The following SCNN1G variants were observed in gnomAD, a reference collection of about 807,000 sequenced individuals.
SCNN1G encodes epithelial sodium channel subunit gamma.
In SCNN1G, 27 loss-of-function variants were observed where a neutral mutation model predicts 64.6. The observed-to-expected ratio is 0.42, with a 90% CI of 0.31 to 0.58. SCNN1G has a LOEUF of 0.58. SCNN1G is among the 20% of genes least tolerant of loss of function. SCNN1G has a pLI of 0.18. For missense variants in SCNN1G, 743 were observed against 823.4 expected (o/e 0.90, Z 1.19); for synonymous variants, 330 against 314.2 (o/e 1.05, Z -0.53).
intron 2 of SCNN1G, among the ~76,000 whole-genome samples, chr16:23,187,698 A>G (rs1325981512): frequency 6.6e-6 from 1 of 152,098 alleles, no homozygotes; most frequent in Non-Finnish European, 1.5e-5. Flanking sequence ...ACCCAGCCCC[A>G]TTAATTGAGC....
intron 1 of SCNN1G, among the ~76,000 whole-genome samples, chr16:23,185,105 G>A (rs1338174373): frequency 6.6e-6 from 1 of 152,212 alleles, no homozygotes; most frequent in Non-Finnish European, 1.5e-5. Flanking sequence ...CCATAGCGGT[G>A]AAGGCTGCAG....
At chr16:23,212,437 G>C (rs941539703) in intron 8 of SCNN1G, among the ~76,000 whole-genome samples, 5 of 152,200 alleles carry the variant, frequency 3.3e-5, no homozygotes, top group African/African-American at 1.2e-4. Flanking sequence ...AGGTCACACA[G>C]CCAGAAAGGA....
At chr16:23,204,334 T>TATATATATATAGAGAGAGAG (rs1567267153) in intron 6 of SCNN1G, among the ~76,000 whole-genome samples, 1 of 15,176 alleles carries the variant, frequency 6.6e-5, no homozygotes, top group African/African-American at 2.8e-4. Context: ...TATATATATA[T>TATATATATATAGAGAGAGAG]AGAGAGAGAG....
intron 7 of SCNN1G, among the ~76,000 whole-genome samples, chr16:23,211,814 A>C (rs1960083082): frequency 6.6e-6 from 1 of 152,140 alleles, no homozygotes; most frequent in Non-Finnish European, 1.5e-5. Flanking sequence ...TGTCTCAAAA[A>C]ACATAAAAAA....
chr16:23,194,479 G>A (rs1959764153), intron 5 of SCNN1G, among the ~76,000 whole-genome samples: 1 of 152,086 alleles, frequency 6.6e-6, no homozygotes, highest in South Asian at 2.1e-4. Flanking sequence ...TTTCCTTTTT[G>A]ACTTTTCTTC....
intron 11 of SCNN1G, 86 bp downstream of exon 11, chr16:23,213,249 C>CTT: frequency 3.8e-6 from 3 of 791,258 alleles, no homozygotes; most frequent in Non-Finnish European, 4.1e-6. Context: ...ATGGCCAAAT[C>CTT]CTCTTTTTTT....
intron 5 of SCNN1G, among the ~76,000 whole-genome samples, chr16:23,195,514 C>T (rs1164574682): frequency 6.6e-6 from 1 of 152,176 alleles, no homozygotes; most frequent in African/African-American, 2.4e-5. Flanking sequence ...TAAAGGAAAT[C>T]CACACTTGGA....
At chr16:23,189,878 C>G (rs1046950379) in intron 3 of SCNN1G, among the ~76,000 whole-genome samples, 31 of 152,114 alleles carry the variant, frequency 2.0e-4, no homozygotes, top group Admixed American at 1.3e-4. Context: ...TCGAGACCAG[C>G]CTGGCCAACG....
chr16:23,207,972 A>C (rs1437152723), intron 6 of SCNN1G, among the ~76,000 whole-genome samples: 2 of 152,134 alleles, frequency 1.3e-5, no homozygotes, highest in African/African-American at 4.8e-5. Flanking sequence ...CATCTCCCCA[A>C]CCAAAAAAAT....
intron 5 of SCNN1G, 112 bp downstream of exon 5, chr16:23,194,386 G>A: frequency 1.3e-6 from 1 of 778,148 alleles, no homozygotes; most frequent in Non-Finnish European, 2.3e-6. Flanking sequence ...CTCCCACTTG[G>A]CCAGAAACCA....
Position 23,189,370 on chromosome 16 carries a change from G to A in SCNN1G, c.318-1G>A, listed in dbSNP as rs1567262640. On this transcript the variant is annotated splice_acceptor_variant, in intron 2 of 12. Transcript: ENST00000300061. LOFTEE classifies it high-confidence loss of function. ...CTGACTTTTCCTCCCCACCTTGGCAGGTACAGCACCGTTCGCCACCTTCTA... is the reference window on the plus strand; with the variant it reads ...CTGACTTTTCCTCCCCACCTTGGCAAGTACAGCACCGTTCGCCACCTTCTA... The A allele has an allele frequency of 6.2e-7, 1 of 1,613,138 alleles. No individual in the cohort carries two copies. The highest frequency in any genetic ancestry group is 1.1e-5 in the South Asian group (1 of 91,054).
At chr16:23,204,384 A>G (rs897148843) in intron 6 of SCNN1G, among the ~76,000 whole-genome samples, 2 of 131,824 alleles carry the variant, frequency 1.5e-5, no homozygotes. Context: ...CTATTACTAT[A>G]TATTTTTTAA....
rs112220882 is a variant in SCNN1G, at chr16:23,193,184, A to G, written c.809+642A>G. The stretch of plus-strand genomic sequence containing the variant: ...CTATAACCTAACCTTGTATATTACC[A>G]TCATGCATACTGATGACTAAGAACC... On this transcript the variant is annotated intron_variant, in intron 4 of 12. Coordinates refer to ENST00000300061, the MANE Select transcript of SCNN1G (RefSeq NM_001039.4). 2.8e-4 allele frequency among the ~76,000 whole-genome samples: 42 copies of G among 151,846 alleles called. 1 individual carries two copies. Among genetic ancestry groups the G allele is most frequent in the African/African-American group, 9.4e-4 (39 of 41,388 alleles).
intron 5 of SCNN1G, chr16:23,195,790 A>T (rs199740193): frequency 2.0e-5 from 3 of 149,226 alleles, no homozygotes; most frequent in African/African-American, 7.4e-5. Context: ...TTGTTTACAA[A>T]TCGTTTGCAA....
intron 10 of SCNN1G, 77 bp from the exon 11 acceptor site, chr16:23,213,025 G>C: frequency 2.0e-6 from 3 of 1,534,980 alleles, no homozygotes; most frequent in South Asian, 2.2e-5. Flanking sequence ...TGGGGGACAA[G>C]TTGGGGAGCC....
chr16:23,213,113 G>T lies in SCNN1G; in HGVS notation c.1443G>T (p.Leu481=). 6 of 1,613,852 alleles carry T rather than the reference G, an allele frequency of 3.7e-6. No individual in the cohort carries two copies. Among genetic ancestry groups the T allele is most frequent in the Non-Finnish European group, 4.2e-6 (5 of 1,179,884 alleles). The change falls in exon 11 of 13, where the codon CTG becomes CTT. Residue 481 remains leucine (L), a synonymous_variant. Transcript: ENST00000300061. Reference sequence around the variant, plus strand: ...TCTCTCCGTTGTAGAAGTGGTTGCTGCCTGTTCTCACTTGGGACCAAGGCC... The same window carrying T: ...TCTCTCCGTTGTAGAAGTGGTTGCTTCCTGTTCTCACTTGGGACCAAGGCC... ...WPSVVSEKWL[L]PVLTWDQGRQ...
At chr16:23,207,972 A>G (rs1437152723) in intron 6 of SCNN1G, among the ~76,000 whole-genome samples, 1 of 152,134 alleles carries the variant, frequency 6.6e-6, no homozygotes, top group African/African-American at 2.4e-5. Context: ...CATCTCCCCA[A>G]CCAAAAAAAT....
At chr16:23,212,781 C>T (rs370819564) in intron 9 of SCNN1G, 25 bp downstream of exon 9, 42 of 1,613,372 alleles carry the variant, frequency 2.6e-5, no homozygotes, top group Non-Finnish European at 3.3e-5. Context: ...AGGGGTGAGA[C>T]GGGTGGCTGG....
At position 23,189,416 on chromosome 16, in the gene SCNN1G, C is replaced by T. The variant is rs1292147579; in HGVS notation, c.363C>T (p.Thr121=). 6.2e-7 allele frequency: 1 copy of T among 1,614,142 alleles called. No individual in the cohort carries two copies. Among genetic ancestry groups the T allele is most frequent in the Admixed American group, 1.7e-5 (1 of 60,022 alleles). ...RHLLADLEQE[T]REALKSLYGF... ...TTCTAGCTGACTTGGAACAGGAGAC[C>T]AGAGAGGCCCTGAAGTCCCTGTATG... is the stretch of plus-strand genomic sequence containing the variant. The change falls in exon 3 of 13, where the codon ACC becomes ACT. Residue 121 remains threonine (T), a synonymous_variant. Transcript: ENST00000300061.
Sources: gnomAD v4.1 joint callset for allele counts (sites outside exome capture counted in the v4.1 genomes callset) on GRCh38, gnomAD v4.1.1 for gene constraint, MANE v1.5 for transcripts, NCBI Gene and HGNC (gene_info 2026-07-23, HGNC 2026-07-21) for gene names.